The following CAMKMT variants were observed in gnomAD, a reference collection of about 807,000 sequenced individuals.
CAMKMT encodes CaM KMT.
CAMKMT carries 53 observed loss-of-function variants against 48.0 expected under a neutral mutation model. The observed-to-expected ratio is 1.10, with a 90% CI of 0.89 to 1.39. The LOEUF (loss-of-function observed/expected upper bound fraction) is 1.39, where lower values mean the gene tolerates loss of function less well. Ranked by LOEUF, CAMKMT falls within the 40% of genes most tolerant of loss-of-function variation. The pLI, the probability that CAMKMT is intolerant of heterozygous loss-of-function variation, is 0.00. For missense variants in CAMKMT, 428 were observed against 402.7 expected, an observed-to-expected ratio of 1.06 and a Z score of -0.54; for synonymous variants, 165 against 152.3, an observed-to-expected ratio of 1.08 and a Z score of -0.61.
At chr2:44,705,606 T>C in intron 4 of CAMKMT, 1 of 883,902 alleles carries the variant, frequency 1.1e-6, no homozygotes, top group Non-Finnish European at 1.4e-6. Flanking sequence ...AGCTGTGAAG[T>C]CAGAGCCCAG....
rs2103904327 is a variant in CAMKMT at position 44,613,557 on chromosome 2, GA to G, written c.377-90723del. ...CAAAGCACTGTGTTTAACTCATCAG[GA>G]AATAAAAAGGTGAATAAGTCACATC... is the stretch of plus-strand genomic sequence containing the variant. On this transcript the variant is annotated intron_variant, in intron 3 of 10. Coordinates refer to ENST00000378494, the MANE Select transcript of CAMKMT (RefSeq NM_024766.5). 1.3e-5 allele frequency among the ~76,000 whole-genome samples: 2 copies of G among 152,198 alleles called. 1 individual carries two copies. The highest frequency in any genetic ancestry group is 4.1e-4 in the South Asian group (2 of 4,822).
At chr2:44,421,775 T>A (rs111945243) in intron 3 of CAMKMT, among the ~76,000 whole-genome samples, 3,114 of 152,284 alleles carry the variant, frequency 0.02, 120 homozygotes, top group African/African-American at 0.072. Context: ...CAACAATGGA[T>A]AAGAATGTTT....
rs2104550539 is a variant in CAMKMT, at chr2:44,436,365, C to T, written c.376+46060C>T. 1.3e-5 allele frequency among the ~76,000 whole-genome samples: 2 copies of T among 152,064 alleles called. 1 individual carries two copies. The highest frequency in any genetic ancestry group is 4.2e-4 in the South Asian group (2 of 4,816). On this transcript the variant is annotated intron_variant, in intron 3 of 10. Coordinates refer to ENST00000378494, the MANE Select transcript of CAMKMT (RefSeq NM_024766.5). The stretch of plus-strand genomic sequence containing the variant: ...AGTGCTGGGATTATAGGTATGAGCC[C>T]CTGGTCCGGCCAAACTCAATTCTCA...
intron 3 of CAMKMT, among the ~76,000 whole-genome samples, chr2:44,609,766 T>C (rs1234215872): frequency 1.3e-5 from 2 of 152,164 alleles, no homozygotes; most frequent in Non-Finnish European, 2.9e-5. Flanking sequence ...GGAGGAGAAA[T>C]GGCTCATTTC....
intron 3 of CAMKMT, among the ~76,000 whole-genome samples, chr2:44,552,911 T>A (rs1398082700): frequency 6.6e-6 from 1 of 152,106 alleles, no homozygotes; most frequent in South Asian, 2.1e-4. Context: ...AAATCAGCAA[T>A]AATTTTAAAA....
intron 3 of CAMKMT, among the ~76,000 whole-genome samples, chr2:44,553,228 G>T (rs969179784): frequency 1.3e-5 from 2 of 152,176 alleles, no homozygotes; most frequent in Non-Finnish European, 2.9e-5. Context: ...AAGGCCACAT[G>T]TGTAGATAGC....
intron 1 of CAMKMT, among the ~76,000 whole-genome samples, chr2:44,364,793 C>T (rs181659150): frequency 6.6e-6 from 1 of 152,316 alleles, no homozygotes; most frequent in Admixed American, 6.5e-5. Flanking sequence ...CTATGATGCA[C>T]ATGTGGTCCA....
intron 3 of CAMKMT, among the ~76,000 whole-genome samples, chr2:44,464,020 G>C (rs952511778): frequency 6.6e-6 from 1 of 151,626 alleles, no homozygotes; most frequent in African/African-American, 2.4e-5. Context: ...TTAGTTACCT[G>C]AAAAAGAATT....
At chr2:44,572,423 A>T (rs1425535020) in intron 3 of CAMKMT, among the ~76,000 whole-genome samples, 2 of 152,230 alleles carry the variant, frequency 1.3e-5, no homozygotes, top group Non-Finnish European at 2.9e-5. Context: ...AGATAATGGC[A>T]TCAAGATTCA....
At chr2:44,423,087 G>A (rs1310906713) in intron 3 of CAMKMT, among the ~76,000 whole-genome samples, 3 of 152,132 alleles carry the variant, frequency 2.0e-5, no homozygotes, top group African/African-American at 7.2e-5. Context: ...AATAATATTT[G>A]TTCTACTGAT....
chr2:44,660,412 T>C (rs1674617095), intron 3 of CAMKMT, among the ~76,000 whole-genome samples: 1 of 152,234 alleles, frequency 6.6e-6, no homozygotes, highest in South Asian at 2.1e-4. Context: ...TGCTGCTGTA[T>C]AGAAGATAGG....
chr2:44,608,109 G>A (rs1379445849), intron 3 of CAMKMT, among the ~76,000 whole-genome samples: 5 of 129,640 alleles, frequency 3.9e-5, no homozygotes, highest in Admixed American at 2.8e-4. Context: ...GTCTTGCTCC[G>A]TCGCCCAGGC....
intron 3 of CAMKMT, among the ~76,000 whole-genome samples, chr2:44,541,062 A>C (rs1353895819): frequency 6.6e-6 from 1 of 152,038 alleles, no homozygotes; most frequent in African/African-American, 2.4e-5. Context: ...GTTCTATTCT[A>C]TTGGTCAGTC....
intron 3 of CAMKMT, among the ~76,000 whole-genome samples, chr2:44,610,416 C>G (rs1161030437): frequency 6.6e-6 from 1 of 152,204 alleles, no homozygotes; most frequent in African/African-American, 2.4e-5. Context: ...GGGGTGTCTC[C>G]TATTTGGGAG....
At chr2:44,523,774 T>C (rs1448513275) in intron 3 of CAMKMT, among the ~76,000 whole-genome samples, 1 of 36,648 alleles carries the variant, frequency 2.7e-5, no homozygotes, top group Non-Finnish European at 8.4e-5. Context: ...GCGAGCATTT[T>C]TTTTTTTTTT....
intron 3 of CAMKMT, among the ~76,000 whole-genome samples, chr2:44,682,779 CTG>C (rs1341457126): frequency 1.3e-5 from 2 of 152,154 alleles, no homozygotes; most frequent in African/African-American, 4.8e-5. Context: ...TTTCTCAACA[CTG>C]TTGTATGTGA....
At chr2:44,642,700 A>T (rs893951056) in intron 3 of CAMKMT, among the ~76,000 whole-genome samples, 5 of 152,002 alleles carry the variant, frequency 3.3e-5, no homozygotes, top group African/African-American at 1.2e-4. Context: ...ACATGTCTAA[A>T]CTACTCTGGG....
At chr2:44,470,108 A>G (rs1235288266) in intron 3 of CAMKMT, among the ~76,000 whole-genome samples, 1 of 152,004 alleles carries the variant, frequency 6.6e-6, no homozygotes, top group African/African-American at 2.4e-5. Flanking sequence ...ATTCAACTGT[A>G]ATATTTCCTG....
chr2:44,470,992 C>G (rs1427670828), intron 3 of CAMKMT, among the ~76,000 whole-genome samples: 7 of 112,952 alleles, frequency 6.2e-5, no homozygotes, highest in Non-Finnish European at 1.2e-4. Flanking sequence ...CTCTCTCTCT[C>G]TCTTTTTTTT....
Sources: gnomAD v4.1 joint callset for allele counts (sites outside exome capture counted in the v4.1 genomes callset) on GRCh38, gnomAD v4.1.1 for gene constraint, MANE v1.5 for transcripts, NCBI Gene and HGNC (gene_info 2026-07-23, HGNC 2026-07-21) for gene names.